CDH20: variants seen among roughly 807,000 people sequenced by gnomAD.
The protein encoded by CDH20 is cadherin-20.
In CDH20, 29 loss-of-function variants were observed where a neutral mutation model predicts 74.2. The ratio of observed to expected loss-of-function variants is 0.39; its 90% CI spans 0.29 to 0.53. The LOEUF is 0.53. Among genes scored for constraint, CDH20 ranks in the 20% least tolerant of loss-of-function variants. The pLI, the probability that CDH20 is intolerant of heterozygous loss-of-function variation, is 0.69. For missense variants in CDH20, 988 were observed against 1,048.3 expected, an observed-to-expected ratio of 0.94 and a Z score of 0.79; for synonymous variants, 469 against 405.4, an observed-to-expected ratio of 1.16 and a Z score of -1.88.
chr18:61,452,809 A>C (rs1909438856), intron 1 of CDH20, among the ~76,000 whole-genome samples: 1 of 152,070 alleles, frequency 6.6e-6, no homozygotes, highest in African/African-American at 2.4e-5. Flanking sequence ...AAGACCCACA[A>C]CTGTTTTACA....
chr18:61,393,909 G>A (rs1310835813), intron 1 of CDH20, among the ~76,000 whole-genome samples: 2 of 152,064 alleles, frequency 1.3e-5, no homozygotes, highest in Non-Finnish European at 2.9e-5. Flanking sequence ...AACATTTCTA[G>A]AACTAAGATT....
intron 1 of CDH20, among the ~76,000 whole-genome samples, chr18:61,472,074 C>A (rs1910200716): frequency 6.6e-6 from 1 of 151,952 alleles, no homozygotes; most frequent in African/African-American, 2.4e-5. Context: ...TTAAGAAATC[C>A]CCCAGGGCCT....
chr18:61,480,123 T>C (rs1258605867), intron 1 of CDH20, among the ~76,000 whole-genome samples: 2 of 152,172 alleles, frequency 1.3e-5, no homozygotes, highest in Non-Finnish European at 2.9e-5. Flanking sequence ...TACCAAAGAA[T>C]AGGTGGAGGC....
At chr18:61,471,684 T>G (rs1910182723) in intron 1 of CDH20, among the ~76,000 whole-genome samples, 1 of 152,186 alleles carries the variant, frequency 6.6e-6, no homozygotes, top group Admixed American at 6.5e-5. Context: ...AAAAGTGAAC[T>G]ACAATCCCCA....
chr18:61,487,634 T>G (rs1181377406), intron 1 of CDH20, among the ~76,000 whole-genome samples: 2 of 152,170 alleles, frequency 1.3e-5, no homozygotes, highest in African/African-American at 4.8e-5. Context: ...TTGTACGTGT[T>G]CAGTGGAGGG....
intron 1 of CDH20, among the ~76,000 whole-genome samples, chr18:61,365,508 G>A (rs181209702): frequency 4.7e-3 from 714 of 152,112 alleles, no homozygotes; most frequent in Admixed American, 7.5e-3. Flanking sequence ...AGAGTACCAG[G>A]AATAAAAAAG....
In CDH20 at chr18:61,499,440, C is replaced by G; in HGVS notation, c.501C>G (p.Asp167Glu). The G allele has an allele frequency of 6.2e-7, 1 of 1,613,018 alleles. No homozygotes were observed. The highest frequency in any genetic ancestry group is 2.2e-5 in the East Asian group (1 of 44,866). ...DINDNEPKFL[D>E]GPYVATVPEM... is the part of the protein sequence containing the mutation. Reference sequence around the variant, plus strand: ...ATGACAATGAGCCCAAGTTCCTGGACGGACCTTATGTGGCCACTGTGCCAG... The same window carrying G: ...ATGACAATGAGCCCAAGTTCCTGGAGGGACCTTATGTGGCCACTGTGCCAG... The change falls in exon 3 of 12, where the codon GAC (aspartate) becomes GAG (glutamate). Residue 167 changes from aspartate (D) to glutamate (E), a missense_variant. Coordinates refer to ENST00000262717, the MANE Select transcript of CDH20 (RefSeq NM_031891.4).
At chr18:61,405,698 C>T (rs374688246) in intron 1 of CDH20, among the ~76,000 whole-genome samples, 24 of 152,178 alleles carry the variant, frequency 1.6e-4, no homozygotes, top group Non-Finnish European at 2.9e-4. Context: ...GAGCCTGGAT[C>T]GATGTCAGCA....
chr18:61,513,580 G>T (rs1340204369), intron 6 of CDH20, among the ~76,000 whole-genome samples: 3 of 151,426 alleles, frequency 2.0e-5, no homozygotes, highest in Non-Finnish European at 2.9e-5. Context: ...AGTTGATGCA[G>T]TTTCTTCCTA....
chr18:61,345,219 T>C (rs772422074), intron 1 of CDH20, among the ~76,000 whole-genome samples: 1 of 152,232 alleles, frequency 6.6e-6, no homozygotes, highest in Non-Finnish European at 1.5e-5. Flanking sequence ...TCACATGCAC[T>C]TAAACGTTTA....
intron 6 of CDH20, among the ~76,000 whole-genome samples, chr18:61,516,179 T>A (rs580023): frequency 0.99 from 150,529 of 152,386 alleles, 74,375 homozygotes; most frequent in Middle Eastern, 1. Context: ...TGCATCTTAC[T>A]TTACTGAAAT....
At chr18:61,546,371 G>C (rs1243469414) in intron 10 of CDH20, among the ~76,000 whole-genome samples, 1 of 152,168 alleles carries the variant, frequency 6.6e-6, no homozygotes, top group Non-Finnish European at 1.5e-5. Context: ...ATTCTTCTAA[G>C]TCATCCCTTC....
chr18:61,408,649 A>C (rs1788728216), intron 1 of CDH20, among the ~76,000 whole-genome samples: 1 of 152,188 alleles, frequency 6.6e-6, no homozygotes, highest in African/African-American at 2.4e-5. Flanking sequence ...ACCAGCATTT[A>C]GTTTTTAGAT....
chr18:61,353,630 C>G lies in CDH20; in HGVS notation c.-153+19803C>G, dbSNP rs1182523314. On this transcript the variant is annotated intron_variant, in intron 1 of 11. Coordinates refer to ENST00000262717, the MANE Select transcript of CDH20 (RefSeq NM_031891.4). This position sits in a 1 kb window ranked among gnomAD's most constrained non-coding sequence, Gnocchi z 4.6. Reference sequence around the variant, plus strand: ...TTTTGTTCAGTTAAATTTAATGGACCCTCAAATGTAACGGACCACCACCTA... The same window carrying G: ...TTTTGTTCAGTTAAATTTAATGGACGCTCAAATGTAACGGACCACCACCTA... Among the ~76,000 whole-genome samples, 1 of 152,040 alleles carries G rather than the reference C, an allele frequency of 6.6e-6. No homozygotes were observed. The highest frequency in any genetic ancestry group is 1.5e-5 in the Non-Finnish European group (1 of 68,032).
intron 6 of CDH20, among the ~76,000 whole-genome samples, chr18:61,514,746 G>A (rs1488284052): frequency 5.3e-5 from 8 of 151,724 alleles, no homozygotes; most frequent in Non-Finnish European, 1.0e-4. Flanking sequence ...CAGGTCTGTT[G>A]GAATACCCTG....
intron 1 of CDH20, among the ~76,000 whole-genome samples, chr18:61,479,752 A>C (rs1341268119): frequency 2.0e-5 from 3 of 151,948 alleles, no homozygotes; most frequent in Non-Finnish European, 4.4e-5. Flanking sequence ...CCAACACTTC[A>C]TTTCTTTCCT....
chr18:61,541,228 T>C (rs888566195), intron 9 of CDH20, among the ~76,000 whole-genome samples: 10 of 151,986 alleles, frequency 6.6e-5, no homozygotes, highest in African/African-American at 1.7e-4. Context: ...GCTAAGGTAG[T>C]TGAGTTTAAG....
intron 1 of CDH20, among the ~76,000 whole-genome samples, 180 bp from the exon 2 acceptor site, chr18:61,490,222 G>A (rs1910905956): frequency 6.6e-6 from 1 of 152,102 alleles, no homozygotes. Context: ...ATAGCAAGAT[G>A]TGTTGTCTTA....
chr18:61,516,297 C>A (rs112368960), intron 6 of CDH20, among the ~76,000 whole-genome samples: 4 of 152,146 alleles, frequency 2.6e-5, no homozygotes, highest in African/African-American at 9.7e-5. Context: ...GTTTTTGCTA[C>A]GCTTTGAGTT....
Sources: gnomAD v4.1 joint callset for allele counts (sites outside exome capture counted in the v4.1 genomes callset) on GRCh38, gnomAD v4.1.1 for gene constraint, Gnocchi (gnomAD v3.1) non-coding constraint, MANE v1.5 for transcripts, NCBI Gene and HGNC (gene_info 2026-07-23, HGNC 2026-07-21) for gene names.